The following CLSTN2 variants were observed in gnomAD, a reference collection of about 807,000 sequenced individuals.
The protein encoded by CLSTN2 is calsyntenin-2.
A neutral mutation model predicts 101.2 loss-of-function variants in CLSTN2; 48 were observed. The ratio of observed to expected loss-of-function variants is 0.47; its 90% confidence interval spans 0.38 to 0.60. The LOEUF is 0.60. CLSTN2 is among the 20% of genes least tolerant of loss of function. The pLI is 0.00. For missense variants in CLSTN2, 1,160 were observed against 1,238.2 expected (o/e 0.94, Z 0.95); for synonymous variants, 481 against 463.6 (o/e 1.04, Z -0.48).
intron 2 of CLSTN2, among the ~76,000 whole-genome samples, chr3:140,224,406 T>C (rs1318959946): frequency 3.3e-5 from 5 of 152,194 alleles, no homozygotes; most frequent in Non-Finnish European, 7.3e-5. Flanking sequence ...TTAGCTAGTG[T>C]TTATTGAGTA....
chr3:140,532,294 T>A (rs760044538), intron 8 of CLSTN2, 30 bp from the exon 9 acceptor site: 1 of 1,561,800 alleles, frequency 6.4e-7, no homozygotes, highest in Non-Finnish European at 8.7e-7. Context: ...ATATTCAATT[T>A]TAAATGTTGC....
chr3:140,306,518 A>G (rs2087115384), intron 2 of CLSTN2, among the ~76,000 whole-genome samples: 1 of 152,222 alleles, frequency 6.6e-6, no homozygotes, highest in African/African-American at 2.4e-5. Context: ...GTGGAAGTCA[A>G]AGGCAGACTG....
chr3:140,218,371 A>T (rs1256441543), intron 2 of CLSTN2, among the ~76,000 whole-genome samples: 1 of 152,212 alleles, frequency 6.6e-6, no homozygotes, highest in African/African-American at 2.4e-5. Context: ...TTTCTGCCAT[A>T]ATCCAGGCAC....
In CLSTN2 at chr3:140,573,833, T is replaced by C. The variant is rs1985644572; in HGVS notation, c.*7580T>C. The C allele has an allele frequency of 6.6e-6, 1 of 152,236 alleles. No individual in the cohort carries two copies. The highest frequency in any genetic ancestry group is 1.5e-5 in the Non-Finnish European group (1 of 68,098). 9.4% of individuals were successfully genotyped at this position (152,236 alleles called of 1,614,324 possible). ...CCTGAATGGCCCAAAGACACCCCTG[T>C]TTCTGGGGAACAGAAGGGAGCTGGT... On this transcript the variant is annotated 3_prime_UTR_variant, in exon 17 of 17. Coordinates refer to ENST00000458420, the MANE Select transcript of CLSTN2 (RefSeq NM_022131.3).
chr3:139,984,140 T>C (rs1439467669), intron 1 of CLSTN2, among the ~76,000 whole-genome samples: 5 of 151,952 alleles, frequency 3.3e-5, no homozygotes, highest in African/African-American at 4.8e-5. Flanking sequence ...AGAAGGAGAG[T>C]AAGAGGGACC....
chr3:140,077,881 T>TGG (rs67144756), intron 1 of CLSTN2, among the ~76,000 whole-genome samples: 3 of 31,658 alleles, frequency 9.5e-5, no homozygotes, highest in Non-Finnish European at 1.5e-4. Context: ...ATAATTTATA[T>TGG]GAACTCTCCT....
chr3:140,089,535 C>T (rs1390114896), intron 1 of CLSTN2, among the ~76,000 whole-genome samples: 1 of 151,928 alleles, frequency 6.6e-6, no homozygotes, highest in Non-Finnish European at 1.5e-5. Flanking sequence ...AAATAAAGCC[C>T]CGTGTTTTTG....
chr3:140,175,889 C>T (rs1197057848), intron 1 of CLSTN2, 62 bp from the exon 2 acceptor site: 35 of 1,454,788 alleles, frequency 2.4e-5, no homozygotes, highest in Non-Finnish European at 3.2e-5. Flanking sequence ...CTTAATAATA[C>T]ATTATTATGG....
intron 2 of CLSTN2, among the ~76,000 whole-genome samples, chr3:140,233,438 G>T (rs1008106958): frequency 6.6e-6 from 1 of 152,150 alleles, no homozygotes; most frequent in African/African-American, 2.4e-5. Flanking sequence ...TGGTTTGGTT[G>T]TATCTTCCTT....
chr3:140,532,270 T>G, intron 8 of CLSTN2, 54 bp from the exon 9 acceptor site: 2 of 1,458,860 alleles, frequency 1.4e-6, no homozygotes, highest in South Asian at 1.3e-5. Context: ...AAAGCCTGTT[T>G]GATGTTTTAT....
chr3:139,995,511 T>C (rs1473286996), intron 1 of CLSTN2, among the ~76,000 whole-genome samples: 1 of 152,218 alleles, frequency 6.6e-6, no homozygotes, highest in Non-Finnish European at 1.5e-5. Context: ...TTTGATCCCT[T>C]GAATTCTTCA....
At chr3:140,318,128 G>A (rs775933829) in intron 2 of CLSTN2, among the ~76,000 whole-genome samples, 1 of 152,142 alleles carries the variant, frequency 6.6e-6, no homozygotes, top group African/African-American at 2.4e-5. Flanking sequence ...ACGGTGCCTG[G>A]CTCCAGAGGT....
intron 1 of CLSTN2, among the ~76,000 whole-genome samples, chr3:140,175,023 A>G (rs1161591287): frequency 1.3e-5 from 2 of 152,112 alleles, no homozygotes; most frequent in East Asian, 3.9e-4. Context: ...GCACAACTCT[A>G]TTTTCACATG....
intron 2 of CLSTN2, among the ~76,000 whole-genome samples, chr3:140,208,064 C>A (rs2010806767): frequency 6.6e-6 from 1 of 152,024 alleles, no homozygotes; most frequent in Non-Finnish European, 1.5e-5. Context: ...CTATTTTGTG[C>A]TTTTAAATTT....
At chr3:140,425,163 C>A (rs563200119) in intron 5 of CLSTN2, among the ~76,000 whole-genome samples, 65 of 152,330 alleles carry the variant, frequency 4.3e-4, no homozygotes, top group African/African-American at 1.6e-3. Flanking sequence ...CACGCAAGAG[C>A]TCCCACCTCC....
chr3:140,519,947 GTTT>G (rs1361515857), intron 8 of CLSTN2, among the ~76,000 whole-genome samples: 2 of 152,170 alleles, frequency 1.3e-5, no homozygotes, highest in Non-Finnish European at 2.9e-5. Flanking sequence ...GCTGGTAATG[GTTT>G]TTTCTTTTGA....
chr3:140,168,580 G>T (rs1408787652), intron 1 of CLSTN2, among the ~76,000 whole-genome samples: 1 of 151,864 alleles, frequency 6.6e-6, no homozygotes, highest in Non-Finnish European at 1.5e-5. Context: ...CTAACCCAAG[G>T]ACACTAAGAT....
chr3:140,564,421 C>T (rs1935991264), intron 16 of CLSTN2, among the ~76,000 whole-genome samples: 1 of 152,208 alleles, frequency 6.6e-6, no homozygotes, highest in Non-Finnish European at 1.5e-5. Context: ...CAAGCAAACA[C>T]CACGAGGTGG....
At chr3:139,948,000 A>G (rs1935239363) in intron 1 of CLSTN2, among the ~76,000 whole-genome samples, 1 of 152,184 alleles carries the variant, frequency 6.6e-6, no homozygotes, top group Admixed American at 6.5e-5. Flanking sequence ...TTTGCTTTTT[A>G]AATATTCCAC....
Sources: gnomAD v4.1 joint callset for allele counts (sites outside exome capture counted in the v4.1 genomes callset) on GRCh38, gnomAD v4.1.1 for gene constraint, MANE v1.5 for transcripts, NCBI Gene and HGNC (gene_info 2026-07-23, HGNC 2026-07-21) for gene names.